Variants in PCDHB4 observed in about 807,000 individuals in gnomAD.
The protein encoded by PCDHB4 is protocadherin beta-4.
For synonymous variants in PCDHB4, 482 were observed against 447.3 expected (o/e 1.08, Z -0.98); for missense variants, 1,063 against 1,007.0 (o/e 1.06, Z -0.75).
Position 141,123,513 on chromosome 5 carries a change from C to G in PCDHB4, c.1515C>G (p.Ile505Met), listed in dbSNP as rs1554274562. Residue 505 changes from isoleucine to methionine, a missense_variant, in exon 1 of 1, where the codon ATC (isoleucine) becomes ATG (methionine). Physicochemically the swap from Ile to Met is conservative, Grantham distance 10 (BLOSUM62 1). Coordinates refer to ENST00000194152, the MANE Select transcript of PCDHB4 (RefSeq NM_018938.4). Reference sequence around the variant, plus strand: ...TGCCCCTCGCCTCCCTGGTCTCCATCAACGCAGACAACGGCCACCTGTTCG... The same window carrying G: ...TGCCCCTCGCCTCCCTGGTCTCCATGAACGCAGACAACGGCCACCTGTTCG... Reference protein sequence around the residue: ...PHLPLASLVSINADNGHLFAL... With the variant: ...PHLPLASLVSMNADNGHLFAL... 6.2e-7 allele frequency: 1 copy of G among 1,613,352 alleles called. No individual in the cohort carries two copies. The highest frequency in any genetic ancestry group is 2.2e-5 in the East Asian group (1 of 44,890).
In PCDHB4 at chr5:141,122,372, T is replaced by A. The variant is rs1195846218; in HGVS notation, c.374T>A (p.Ile125Lys). 1 of 1,614,060 alleles carries A rather than the reference T, an allele frequency of 6.2e-7. No homozygotes were observed. The highest frequency in any genetic ancestry group is 1.1e-5 in the South Asian group (1 of 91,086). Residue 125 changes from isoleucine (I) to lysine (K), a missense_variant, in exon 1 of 1, where the codon ATA becomes AAA. Transcript: ENST00000194152. Reference sequence around the variant, plus strand: ...CAAGGAGAATTATTGATCCAGGACATAAATGATCACTCTCCAATATTCCCT... The same window carrying A: ...CAAGGAGAATTATTGATCCAGGACAAAAATGATCACTCTCCAATATTCCCT... The part of the protein sequence containing the change: ...FFQGELLIQD[I>K]NDHSPIFPER...
rs375748767 is a variant in PCDHB4 at position 141,123,676 on chromosome 5, G to A, written c.1678G>A (p.Val560Met). The change falls in exon 1 of 1, where the codon GTG becomes ATG. Residue 560 changes from valine (V) to methionine (M), a missense_variant. Transcript: ENST00000194152. Reference protein sequence around the residue: ...VLDTNDNSPFVLYPLQNGSAP... With the variant: ...VLDTNDNSPFMLYPLQNGSAP... ...GGACACCAACGACAACTCGCCCTTC[G>A]TGCTGTACCCGCTGCAGAATGGCTC... is the stretch of plus-strand genomic sequence containing the variant. The A allele has an allele frequency of 1.2e-6, 2 of 1,611,360 alleles. No individual in the cohort carries two copies. The highest frequency in any genetic ancestry group is 8.5e-7 in the Non-Finnish European group (1 of 1,179,578).
Position 141,123,838 on chromosome 5 carries a change from T to C in PCDHB4, c.1840T>C (p.Phe614Leu). 1 of 1,609,116 alleles carries C rather than the reference T, an allele frequency of 6.2e-7. No homozygotes were observed. The highest frequency in any genetic ancestry group is 1.1e-5 in the South Asian group (1 of 90,972). The change falls in exon 1 of 1, where the codon TTC becomes CTC. Residue 614 changes from phenylalanine to leucine, a missense_variant. Physicochemically the swap from Phe to Leu is conservative, Grantham distance 22. Coordinates refer to ENST00000194152, the MANE Select transcript of PCDHB4 (RefSeq NM_018938.4). ...QLLKATEPGL[F>L]GVWAHNGEVR... ...GCTCAAGGCCACGGAGCCTGGGCTG[T>C]TCGGCGTGTGGGCGCACAATGGCGA... is the stretch of plus-strand genomic sequence containing the variant.
In PCDHB4 at chr5:141,123,640, G is replaced by A; in HGVS notation, c.1642G>A (p.Val548Met). ...PALSSEALVR[V>M]LVLDTNDNSP... ...TTTGAGCAGCGAGGCGCTGGTGCGC[G>A]TGCTGGTGCTGGACACCAACGACAA... The change falls in exon 1 of 1, where the codon GTG (valine) becomes ATG (methionine). Residue 548 changes from valine to methionine, a missense_variant. By Grantham distance (21) the Val-to-Met change is conservative. Coordinates refer to ENST00000194152, the MANE Select transcript of PCDHB4 (RefSeq NM_018938.4). 1 of 1,611,830 alleles carries A rather than the reference G, an allele frequency of 6.2e-7. No individual in the cohort carries two copies. Among genetic ancestry groups the A allele is most frequent in the South Asian group, 1.1e-5 (1 of 90,984 alleles).
chr5:141,124,375 G>T lies in PCDHB4; in HGVS notation c.2377G>T (p.Val793Leu). 6.2e-7 allele frequency: 1 copy of T among 1,606,602 alleles called. No individual in the cohort carries two copies. The highest frequency in any genetic ancestry group is 8.5e-7 in the Non-Finnish European group (1 of 1,176,228). The change falls in exon 1 of 1, where the codon GTA becomes TTA. Residue 793 changes from valine to leucine, a missense_variant. Transcript: ENST00000194152. The part of the protein sequence containing the change: ...KENPKFRNSL[V>L]FS Reference sequence around the variant, plus strand: ...AAACCCCAAGTTCAGAAATAGCTTGGTATTCAGTTAAGTATTGTATTTAGT... The same window carrying T: ...AAACCCCAAGTTCAGAAATAGCTTGTTATTCAGTTAAGTATTGTATTTAGT...
chr5:141,123,337 G>C lies in PCDHB4; in HGVS notation c.1339G>C (p.Ala447Pro), dbSNP rs61730243. The C allele has an allele frequency of 1.7e-3, 2,686 of 1,613,982 alleles. 43 individuals carry two copies. In the African/African-American group the frequency reaches 0.032, roughly 19 times the overall value. Residue 447 changes from alanine (A) to proline (P), a missense_variant, in exon 1 of 1, where the codon GCC becomes CCC. By Grantham distance (27) the Ala-to-Pro change is conservative. Transcript: ENST00000194152. ...TVQVSDVNDN[A>P]PAFTQTSYTL... is the part of the protein sequence containing the mutation. ...GCAGGTCTCCGACGTCAATGACAAC[G>C]CCCCCGCCTTCACCCAAACCTCCTA...
chr5:141,122,593 C>G lies in PCDHB4; in HGVS notation c.595C>G (p.Leu199Val). 6.2e-7 allele frequency: 1 copy of G among 1,614,218 alleles called. No homozygotes were observed. The highest frequency in any genetic ancestry group is 1.1e-5 in the South Asian group (1 of 91,080). ...CCCAGATTTGGTGCAGGACAAACCA[C>G]TGGATCGAGAGGAGCAGCCTGAGTT... ...KYPDLVQDKP[L>V]DREEQPEFSL... The change falls in exon 1 of 1, where the codon CTG (leucine) becomes GTG (valine). Residue 199 changes from leucine to valine, a missense_variant. By Grantham distance (32) the Leu-to-Val change is conservative (BLOSUM62 1). Transcript: ENST00000194152.
In PCDHB4 at chr5:141,123,582, C is replaced by T. The variant is rs141722300; in HGVS notation, c.1584C>T (p.Phe528=). ...LDYEALQAFE[F]RVGASDRGSP... ...ACGAGGCCCTGCAGGCGTTCGAGTT[C>T]CGCGTGGGCGCCTCAGACCGCGGTT... The change falls in exon 1 of 1, where the codon TTC becomes TTT. Residue 528 remains phenylalanine, a synonymous_variant. Transcript: ENST00000194152. 3.7e-6 allele frequency: 6 copies of T among 1,612,434 alleles called. No homozygotes were observed. The highest frequency in any genetic ancestry group is 1.3e-5 in the African/African-American group (1 of 74,894).
chr5:141,124,411 G>T lies in PCDHB4; in HGVS notation c.*25G>T. 1 of 1,523,084 alleles carries T rather than the reference G, an allele frequency of 6.6e-7. No homozygotes were observed. The highest frequency in any genetic ancestry group is 2.1e-5 in the Admixed American group (1 of 46,870). 94.3% of individuals were successfully genotyped at this position (1,523,084 alleles called of 1,614,324 possible). A position where few individuals can be genotyped will look rare whatever the true frequency, so the allele number is the denominator to read the frequency against. On this transcript the variant is annotated 3_prime_UTR_variant, in exon 1 of 1. Coordinates refer to ENST00000194152, the MANE Select transcript of PCDHB4 (RefSeq NM_018938.4). ...AGTATTGTATTTAGTTCAGTGAACC[G>T]CCCGTTAGTTTTGTCAAACTTCCCA...
At position 141,123,243 on chromosome 5, in the gene PCDHB4, G is replaced by A; in HGVS notation, c.1245G>A (p.Glu415=). Residue 415 remains glutamate, a synonymous_variant, in exon 1 of 1, where the codon GAG becomes GAA. Transcript: ENST00000194152. ...CACTGGACCGAGAGACCAGCGCTGAGTACAACATCACCATCGCCGTCACTG... is the reference window on the plus strand; with the variant it reads ...CACTGGACCGAGAGACCAGCGCTGAATACAACATCACCATCGCCGTCACTG... ...ERPLDRETSA[E]YNITIAVTDL... The A allele has an allele frequency of 6.2e-7, 1 of 1,614,166 alleles. No homozygotes were observed. The highest frequency in any genetic ancestry group is 8.5e-7 in the Non-Finnish European group (1 of 1,180,032).
At position 141,124,464 on chromosome 5, in the gene PCDHB4, T is replaced by C; in HGVS notation, c.*78T>C. 1 of 1,208,382 alleles carries C rather than the reference T, an allele frequency of 8.3e-7. No individual in the cohort carries two copies. The allele number at this position is 1,208,382 out of a possible 1,614,324, so 74.9% of individuals were successfully genotyped here. A position where few individuals can be genotyped will look rare whatever the true frequency, so the allele number is the denominator to read the frequency against. On this transcript the variant is annotated 3_prime_UTR_variant, in exon 1 of 1. Transcript: ENST00000194152. ...GCAATGCCTTTATTTAAAAAAATTG[T>C]CTACTTATCTAAATATTCATACCAC...
chr5:141,122,454 G>T lies in PCDHB4; in HGVS notation c.456G>T (p.Pro152=). Residue 152 remains proline, a synonymous_variant, in exon 1 of 1, where the codon CCG becomes CCT. Coordinates refer to ENST00000194152, the MANE Select transcript of PCDHB4 (RefSeq NM_018938.4). ...LENSQPGTLF[P]LLIAEDLDVG... The stretch of plus-strand genomic sequence containing the variant: ...ATAGCCAGCCGGGTACTCTATTTCC[G>T]TTGCTAATAGCTGAGGATTTGGATG... 1 of 1,614,164 alleles carries T rather than the reference G, an allele frequency of 6.2e-7. No individual in the cohort carries two copies. The highest frequency in any genetic ancestry group is 8.5e-7 in the Non-Finnish European group (1 of 1,180,010).
In PCDHB4 at chr5:141,122,403, G is replaced by A. The variant is rs781852856; in HGVS notation, c.405G>A (p.Arg135=). ...INDHSPIFPE[R]EVLLKILENS... Reference sequence around the variant, plus strand: ...ATCACTCTCCAATATTCCCTGAAAGGGAAGTGCTCTTGAAAATACTAGAAA... The same window carrying A: ...ATCACTCTCCAATATTCCCTGAAAGAGAAGTGCTCTTGAAAATACTAGAAA... Residue 135 remains arginine, a synonymous_variant, in exon 1 of 1, where the codon AGG becomes AGA. Transcript: ENST00000194152. The A allele has an allele frequency of 1.2e-6, 2 of 1,614,196 alleles. No homozygotes were observed. Among genetic ancestry groups the A allele is most frequent in the Admixed American group, 1.7e-5 (1 of 60,028 alleles).
Position 141,122,397 on chromosome 5 carries a change from T to G in PCDHB4, c.399T>G (p.Pro133=). The change falls in exon 1 of 1, where the codon CCT becomes CCG. Residue 133 remains proline (P), a synonymous_variant. Transcript: ENST00000194152. Reference sequence around the variant, plus strand: ...TAAATGATCACTCTCCAATATTCCCTGAAAGGGAAGTGCTCTTGAAAATAC... The same window carrying G: ...TAAATGATCACTCTCCAATATTCCCGGAAAGGGAAGTGCTCTTGAAAATAC... The part of the protein sequence containing the change: ...QDINDHSPIF[P]EREVLLKILE... 6.2e-7 allele frequency: 1 copy of G among 1,614,198 alleles called. No individual in the cohort carries two copies. Among genetic ancestry groups the G allele is most frequent in the Non-Finnish European group, 8.5e-7 (1 of 1,180,026 alleles).
chr5:141,125,535 T>C lies in PCDHB4; in HGVS notation c.*1149T>C, dbSNP rs1752395947. 6.6e-6 allele frequency: 1 copy of C among 152,218 alleles called. No individual in the cohort carries two copies. Among genetic ancestry groups the C allele is most frequent in the South Asian group, 2.1e-4 (1 of 4,832 alleles). 9.4% of individuals were successfully genotyped at this position (152,218 alleles called of 1,614,324 possible). ...AGTTATTTTGAATTAATTTAACTTCTCAATTATGCCAAAGTTGCACTTGCA... is the reference window on the plus strand; with the variant it reads ...AGTTATTTTGAATTAATTTAACTTCCCAATTATGCCAAAGTTGCACTTGCA... On this transcript the variant is annotated 3_prime_UTR_variant, in exon 1 of 1. Coordinates refer to ENST00000194152, the MANE Select transcript of PCDHB4 (RefSeq NM_018938.4).
rs1752292835 is a variant in PCDHB4, at chr5:141,122,036, T to A, written c.38T>A (p.Val13Glu). ...GGGAGAATTCATCCAAACAGGCAAG[T>A]GTTGGCCTTTATTTTGATGGTGTTC... ...KLGRIHPNRQ[V>E]LAFILMVFLS... The change falls in exon 1 of 1, where the codon GTG becomes GAG. Residue 13 changes from valine (V) to glutamate (E), a missense_variant. Transcript: ENST00000194152. The A allele has an allele frequency of 1.9e-6, 3 of 1,612,146 alleles. No individual in the cohort carries two copies. The highest frequency in any genetic ancestry group is 1.1e-5 in the South Asian group (1 of 90,708).
chr5:141,122,523 T>G lies in PCDHB4; in HGVS notation c.525T>G (p.Ser175=), dbSNP rs1418751080. 1 of 1,614,212 alleles carries G rather than the reference T, an allele frequency of 6.2e-7. No individual in the cohort carries two copies. The highest frequency in any genetic ancestry group is 8.5e-7 in the Non-Finnish European group (1 of 1,180,048). Residue 175 remains serine, a synonymous_variant, in exon 1 of 1, where the codon TCT becomes TCG. Transcript: ENST00000194152. ...GLQKYTISPN[S]HFHILTRNHS... ...AAAAATACACAATCAGCCCCAATTC[T>G]CATTTTCACATTCTCACTCGAAATC...
rs1752292760 is a variant in PCDHB4 at position 141,122,035 on chromosome 5, G to A, written c.37G>A (p.Val13Met). ...AGGGAGAATTCATCCAAACAGGCAA[G>A]TGTTGGCCTTTATTTTGATGGTGTT... ...KLGRIHPNRQ[V>M]LAFILMVFLS... The change falls in exon 1 of 1, where the codon GTG becomes ATG. Residue 13 changes from valine (V) to methionine (M), a missense_variant. Transcript: ENST00000194152. The A allele has an allele frequency of 1.2e-6, 2 of 1,612,344 alleles. No homozygotes were observed. The highest frequency in any genetic ancestry group is 1.1e-5 in the South Asian group (1 of 90,724).
At position 141,122,356 on chromosome 5, in the gene PCDHB4, T is replaced by C. The variant is rs1469401907; in HGVS notation, c.358T>C (p.Leu120=). The C allele has an allele frequency of 2.5e-6, 4 of 1,614,102 alleles. No homozygotes were observed. The highest frequency in any genetic ancestry group is 3.4e-6 in the Non-Finnish European group (4 of 1,180,000). Residue 120 remains leucine (L), a synonymous_variant, in exon 1 of 1, where the codon TTA becomes CTA. Transcript: ENST00000194152. The part of the protein sequence containing the change: ...EMPVQFFQGE[L]LIQDINDHSP... ...GCCGGTGCAATTTTTTCAAGGAGAA[T>C]TATTGATCCAGGACATAAATGATCA...
Sources: gnomAD v4.1 joint callset for allele counts on GRCh38, gnomAD v4.1.1 for gene constraint, MANE v1.5 for transcripts, NCBI Gene and HGNC (gene_info 2026-07-23, HGNC 2026-07-21) for gene names.